The following SLC2A14 variants were observed in gnomAD, a reference collection of about 807,000 sequenced individuals.
The protein encoded by SLC2A14 is solute carrier family 2, facilitated glucose transporter member 14.
In SLC2A14, 13 loss-of-function variants were observed where a neutral mutation model predicts 43.0. That is an observed-to-expected ratio of 0.30 (90% CI 0.20 to 0.48). SLC2A14 has a LOEUF of 0.48. SLC2A14 is among the 20% of genes least tolerant of loss of function. SLC2A14 has a pLI of 0.99. For missense variants in SLC2A14, 428 were observed against 620.4 expected (o/e 0.69, Z 3.29); for synonymous variants, 190 against 233.8 (o/e 0.81, Z 1.71).
chr12:7,829,421 G>C (rs373329574), intron 5 of SLC2A14, among the ~76,000 whole-genome samples: 1 of 151,696 alleles, frequency 6.6e-6, no homozygotes, highest in South Asian at 2.1e-4. Flanking sequence ...TTAGCTGGAC[G>C]TGGTGGTGCA....
intron 7 of SLC2A14, among the ~76,000 whole-genome samples, chr12:7,822,361 C>T (rs1252304445): frequency 6.6e-6 from 1 of 151,990 alleles, no homozygotes; most frequent in Non-Finnish European, 1.5e-5. Context: ...CTTATGTCTA[C>T]TTCACCAACT....
upstream of SLC2A14, among the ~76,000 whole-genome samples, chr12:7,874,988 T>TAAATTATATATAAATACATATATAA (rs1565585389): frequency 2.0e-4 from 6 of 29,304 alleles, no homozygotes; most frequent in African/African-American, 5.7e-4. Context: ...TATTTATATA[T>TAAATTATATATAAATACATATATAA]AAATTATATA....
intron 7 of SLC2A14, among the ~76,000 whole-genome samples, chr12:7,825,400 C>T (rs972039897): frequency 2.1e-5 from 3 of 145,760 alleles, no homozygotes; most frequent in Non-Finnish European, 3.0e-5. Context: ...GTAGAGGTTG[C>T]TATGAGCTGA....
Position 7,863,768 on chromosome 12 carries a change from T to G in SLC2A14, c.18+6095A>C, listed in dbSNP as rs1944748494. Among the ~76,000 whole-genome samples, 3 of 152,076 alleles carry G rather than the reference T, an allele frequency of 2.0e-5. No homozygotes were observed. In the South Asian group the frequency reaches 6.2e-4, roughly 31 times the overall value. On this transcript the variant is annotated intron_variant, in intron 2 of 10. Coordinates refer to ENST00000431042, the MANE Select transcript of SLC2A14 (RefSeq NM_001286234.2). ...AGCCAAAAGCCTAACTTCCTTTTAT[T>G]TCAGATGAAAACTTATCTCCCTATA... is the stretch of plus-strand genomic sequence containing the variant.
At chr12:7,828,302 T>A (rs1338416879) in intron 6 of SLC2A14, among the ~76,000 whole-genome samples, 1 of 151,476 alleles carries the variant, frequency 6.6e-6, no homozygotes, top group South Asian at 2.1e-4. Context: ...GAGGCAGAGG[T>A]TGCAGTGAAC....
intron 2 of SLC2A14, among the ~76,000 whole-genome samples, chr12:7,857,075 C>T (rs921942380): frequency 6.7e-5 from 10 of 150,348 alleles, no homozygotes. Flanking sequence ...CATGGTGAAA[C>T]CCCATCTCTA....
At chr12:7,846,878 T>C (rs1866513784) in intron 2 of SLC2A14, among the ~76,000 whole-genome samples, 1 of 151,562 alleles carries the variant, frequency 6.6e-6, no homozygotes, top group African/African-American at 2.4e-5. Flanking sequence ...ATGATCCACC[T>C]GCCCTGGCCT....
intron 10 of SLC2A14, among the ~76,000 whole-genome samples, chr12:7,816,093 T>A (rs1392034671): frequency 1.1e-4 from 5 of 43,550 alleles, no homozygotes; most frequent in African/African-American, 4.8e-4. Flanking sequence ...TTTTTTATTT[T>A]TTTTATTTTT....
Position 7,817,369 on chromosome 12 carries a change from C to A in SLC2A14, c.1275+462G>T, listed in dbSNP as rs961788911. ...ACCTCAGGTGATCTGCCTGCCTCAG[C>A]CGCCCAAAGTGCTGGGATTACAGGA... On this transcript the variant is annotated intron_variant, in intron 10 of 10. Transcript: ENST00000431042. Among the ~76,000 whole-genome samples the A allele has an allele frequency of 2.6e-5, 4 of 152,256 alleles. No homozygotes were observed. The South Asian group carries it at 8.3e-4, about 32-fold the overall frequency.
At chr12:7,832,873 G>A in intron 2 of SLC2A14, 59 bp from the exon 3 acceptor site, 2 of 1,506,890 alleles carry the variant, frequency 1.3e-6, no homozygotes, top group Non-Finnish European at 1.8e-6. Context: ...ATTGATGACT[G>A]TTTCTTATTA....
At chr12:7,868,905 G>A (rs1945068661) in intron 2 of SLC2A14, among the ~76,000 whole-genome samples, 1 of 152,130 alleles carries the variant, frequency 6.6e-6, no homozygotes, top group Non-Finnish European at 1.5e-5. Flanking sequence ...AGCACTTTGG[G>A]AGGCCGAGGC....
At chr12:7,880,255 G>A (rs1200112748) in intron 1 of SLC2A14, among the ~76,000 whole-genome samples, 9 of 151,258 alleles carry the variant, frequency 6.0e-5, no homozygotes, top group Admixed American at 1.3e-4. Flanking sequence ...AGCCGAGATC[G>A]CGCCATTGCA....
intron 7 of SLC2A14, among the ~76,000 whole-genome samples, chr12:7,826,875 T>TTCTC (rs1270285041): frequency 1.7e-5 from 1 of 57,848 alleles, no homozygotes; most frequent in Non-Finnish European, 3.3e-5. Context: ...CTTTCTTTCT[T>TTCTC]TCTTTCTTTC....
chr12:7,840,373 TTTTG>T (rs886585146), intron 2 of SLC2A14, among the ~76,000 whole-genome samples: 3 of 151,524 alleles, frequency 2.0e-5, no homozygotes, highest in Admixed American at 6.6e-5. Flanking sequence ...TCAGTTTTGT[TTTTG>T]TTTTTGTTTT....
At chr12:7,873,473 C>A, upstream of SLC2A14, 1 of 515,700 alleles carries the variant, frequency 1.9e-6, no homozygotes, top group Non-Finnish European at 2.5e-6. Context: ...GAAACCCAGT[C>A]TTTACTAAAA....
intron 2 of SLC2A14, among the ~76,000 whole-genome samples, chr12:7,840,366 G>GTTTTGT (rs567400675): frequency 3.4e-4 from 51 of 151,832 alleles, no homozygotes; most frequent in African/African-American, 9.7e-4. Flanking sequence ...AGATTACTCA[G>GTTTTGT]TTTTGTTTTT....
chr12:7,835,600 C>A (rs1216538181), intron 2 of SLC2A14, among the ~76,000 whole-genome samples: 1 of 152,158 alleles, frequency 6.6e-6, no homozygotes, highest in Non-Finnish European at 1.5e-5. Context: ...TTTCATGCAG[C>A]TTTGTGGGAT....
At chr12:7,875,026 AATAC>A (rs1356254889), upstream of SLC2A14, among the ~76,000 whole-genome samples, 2 of 111,096 alleles carry the variant, frequency 1.8e-5, no homozygotes, top group African/African-American at 3.7e-5. Flanking sequence ...ATTATATATA[AATAC>A]ATATATAAAT....
At chr12:7,874,921 ATATATTTATATATAATT>A (rs1945416547), upstream of SLC2A14, among the ~76,000 whole-genome samples, 4 of 50,906 alleles carry the variant, frequency 7.9e-5, no homozygotes, top group South Asian at 2.1e-3. Context: ...ATATATAAAT[ATATATTTATATATAATT>A]TATATATAAA....
Sources: gnomAD v4.1 joint callset for allele counts (sites outside exome capture counted in the v4.1 genomes callset) on GRCh38, gnomAD v4.1.1 for gene constraint, MANE v1.5 for transcripts, NCBI Gene and HGNC (gene_info 2026-07-23, HGNC 2026-07-21) for gene names.